RGS12: variants seen among roughly 807,000 people sequenced by gnomAD.
RGS12 encodes regulator of G-protein signaling 12.
A neutral mutation model predicts 120.1 loss-of-function variants in RGS12; 66 were observed. That is an observed-to-expected ratio of 0.55 (90% CI 0.45 to 0.67). The LOEUF is 0.67. RGS12 is among the 30% of genes least tolerant of loss of function. RGS12 has a pLI of 0.00. For missense variants in RGS12, 1,859 were observed against 1,957.7 expected (o/e 0.95, Z 0.95); for synonymous variants, 827 against 804.7 (o/e 1.03, Z -0.47).
intron 2 of RGS12, among the ~76,000 whole-genome samples, chr4:3,332,169 C>T (rs1017930886): frequency 2.6e-5 from 4 of 152,134 alleles, no homozygotes; most frequent in East Asian, 3.8e-4. Context: ...ACTGTTGGCT[C>T]GTGTTCTATG....
chr4:3,288,308 AG>A (rs1339305197), upstream of RGS12, among the ~76,000 whole-genome samples: 1 of 151,926 alleles, frequency 6.6e-6, no homozygotes, highest in Non-Finnish European at 1.5e-5. The surrounding 1 kb of genome is among the most constrained non-coding windows in gnomAD (Gnocchi z 5.2). Context: ...GCAGCTGACA[AG>A]GGGGCCCCGT....
chr4:3,425,806 G>C, intron 14 of RGS12, among the ~76,000 whole-genome samples: 1 of 37,676 alleles, frequency 2.7e-5, no homozygotes, highest in South Asian at 9.7e-4. Flanking sequence ...CAGGGGAGGG[G>C]GCTGTGGCGT....
intron 14 of RGS12, 90 bp downstream of exon 14, chr4:3,425,650 AG>A (rs1723542263): frequency 7.0e-5 from 10 of 142,050 alleles, no homozygotes; most frequent in South Asian, 6.7e-4. Context: ...GGAGGGGGTG[AG>A]TGGGGCCAGT....
intron 1 of RGS12, among the ~76,000 whole-genome samples, chr4:3,311,293 G>A (rs911476555): frequency 2.0e-5 from 3 of 152,222 alleles, no homozygotes; most frequent in African/African-American, 7.2e-5. Context: ...TCAGGCCTAG[G>A]ACCCATCTCT....
At chr4:3,291,688 T>C (rs571986575), upstream of RGS12, among the ~76,000 whole-genome samples, 47 of 152,274 alleles carry the variant, frequency 3.1e-4, no homozygotes, top group Admixed American at 1.3e-4. Context: ...GGGCTGGCTG[T>C]GTCCCTTGGC....
At chr4:3,409,344 C>T (rs1221420289) in intron 4 of RGS12, among the ~76,000 whole-genome samples, 3 of 152,258 alleles carry the variant, frequency 2.0e-5, no homozygotes, top group African/African-American at 4.8e-5. Flanking sequence ...GTTTAAAATA[C>T]AATCATGTTT....
At chr4:3,395,323 T>C (rs1406429362) in intron 4 of RGS12, among the ~76,000 whole-genome samples, 2 of 152,242 alleles carry the variant, frequency 1.3e-5, no homozygotes, top group Admixed American at 1.3e-4. Flanking sequence ...TTTACTCTCC[T>C]AGCTGTGGAC....
intron 2 of RGS12, among the ~76,000 whole-genome samples, chr4:3,325,977 A>G (rs1725530155): frequency 6.6e-6 from 1 of 152,218 alleles, no homozygotes; most frequent in East Asian, 1.9e-4. Flanking sequence ...AAAATTCAGC[A>G]TGATAAAAAC....
At chr4:3,434,157 C>A (rs1292823819) in intron 17 of RGS12, among the ~76,000 whole-genome samples, 1 of 152,180 alleles carries the variant, frequency 6.6e-6, no homozygotes, top group Non-Finnish European at 1.5e-5. Flanking sequence ...AGGAAACTTA[C>A]AGTCATGGCA....
Position 3,390,892 on chromosome 4 carries a change from G to T in RGS12, c.2020+4455G>T, listed in dbSNP as rs569281502. On this transcript the variant is annotated intron_variant, in intron 4 of 17. Coordinates refer to ENST00000336727, the MANE Select transcript of RGS12 (RefSeq NM_001394154.1). This position sits in a 1 kb window ranked among gnomAD's most constrained non-coding sequence, Gnocchi z 4.6. ...CCTCTTTAAAATATAAAGTATAATT[G>T]TTGATATTTTTGGCAAATGCCAAAA... Among the ~76,000 whole-genome samples, 8 of 152,320 alleles carry T rather than the reference G, an allele frequency of 5.3e-5. No individual in the cohort carries two copies. The South Asian group carries it at 1.0e-3, about 20-fold the overall frequency.
Position 3,370,347 on chromosome 4 carries a change from C to T in RGS12, c.1999-16069C>T, listed in dbSNP as rs193026456. 410 of 1,610,342 alleles carry T rather than the reference C, an allele frequency of 2.5e-4. 4 individuals carry two copies. The African/African-American group carries it at 4.7e-3, about 18-fold the overall frequency. ...GTAAGTAGTTCCGGCTTTTTCTTTT[C>T]ATTTAATCAGTGGTAGGAAAGCGTG... On this transcript the variant is annotated intron_variant, in intron 3 of 17. Transcript: ENST00000336727.
At position 3,316,802 on chromosome 4, in the gene RGS12, T is replaced by C; in HGVS notation, c.632T>C (p.Ile211Thr). The change falls in exon 2 of 18, where the codon ATT becomes ACT. Residue 211 changes from isoleucine to threonine, a missense_variant. Physicochemically the swap from Ile to Thr is moderately conservative, Grantham distance 89 (BLOSUM62 -1). Coordinates refer to ENST00000336727, the MANE Select transcript of RGS12 (RefSeq NM_001394154.1). ...KVIHDDSVFS[I>T]GLESHDDFAL... ...ATTCATGATGATTCGGTTTTCAGCA[T>C]TGGACTAGAAAGTCATGACGATTTT... 1 of 1,614,240 alleles carries C rather than the reference T, an allele frequency of 6.2e-7. No individual in the cohort carries two copies. Among genetic ancestry groups the C allele is most frequent in the African/African-American group, 1.3e-5 (1 of 75,062 alleles).
chr4:3,352,812 C>T (rs1338420265), intron 3 of RGS12, among the ~76,000 whole-genome samples: 1 of 152,128 alleles, frequency 6.6e-6, no homozygotes, highest in Non-Finnish European at 1.5e-5. Flanking sequence ...CATTTGAACC[C>T]TGCCTTCCCA....
intron 3 of RGS12, chr4:3,385,356 C>T (rs563438462): frequency 6.6e-6 from 1 of 152,548 alleles, no homozygotes; most frequent in Admixed American, 6.5e-5. Context: ...AGATCAAACA[C>T]GGGTTTGTCC....
Position 3,422,243 on chromosome 4 carries a change from C to T in RGS12, c.2839-133C>T. 3 of 766,824 alleles carry T rather than the reference C, an allele frequency of 3.9e-6. No individual in the cohort carries two copies. The South Asian group carries it at 5.4e-5, about 14-fold the overall frequency. The allele number at this position is 766,824 out of a possible 1,614,324, so 47.5% of individuals were successfully genotyped here. On this transcript the variant is annotated intron_variant, in intron 10 of 17. Transcript: ENST00000336727. ...GCCTGAGATGTGTGCACCTGGGGAG[C>T]TGCAGGTGGGACCGTGGCAGGGCGC...
Position 3,316,777 on chromosome 4 carries a change from A to T in RGS12, c.607A>T (p.Ile203Phe), listed in dbSNP as rs368059052. 5.6e-6 allele frequency: 9 copies of T among 1,614,126 alleles called. No homozygotes were observed. In the African/African-American group the frequency reaches 9.3e-5, roughly 17 times the overall value. ...MLSKEEISKV[I>F]HDDSVFSIGL... ...TTCTAAGGAGGAAATATCAAAAGTT[A>T]TTCATGATGATTCGGTTTTCAGCAT... The change falls in exon 2 of 18, where the codon ATT becomes TTT. Residue 203 changes from isoleucine to phenylalanine, a missense_variant. By Grantham distance (21) the Ile-to-Phe change is conservative. Transcript: ENST00000336727.
chr4:3,293,310 C>CGGGGCGGGGCG (rs1317027450), intron 1 of RGS12, among the ~76,000 whole-genome samples: 12 of 142,368 alleles, frequency 8.4e-5, no homozygotes, highest in African/African-American at 2.3e-4. Context: ...CGGCGCGGGG[C>CGGGGCGGGGCG]GGGGCGGGGC....
intron 3 of RGS12, among the ~76,000 whole-genome samples, chr4:3,349,375 T>C (rs1226836119): frequency 6.6e-6 from 1 of 152,212 alleles, no homozygotes; most frequent in Non-Finnish European, 1.5e-5. Flanking sequence ...GGAGTCTTTG[T>C]CATACAAAAT....
At chr4:3,345,376 C>T (rs1231632664) in intron 3 of RGS12, among the ~76,000 whole-genome samples, 1 of 152,250 alleles carries the variant, frequency 6.6e-6, no homozygotes. Flanking sequence ...ACTCCATTTT[C>T]TTTCTGACAA....
Sources: gnomAD v4.1 joint callset for allele counts (sites outside exome capture counted in the v4.1 genomes callset) on GRCh38, gnomAD v4.1.1 for gene constraint, Gnocchi (gnomAD v3.1) non-coding constraint, MANE v1.5 for transcripts, NCBI Gene and HGNC (gene_info 2026-07-23, HGNC 2026-07-21) for gene names.